ELL: variants seen among roughly 807,000 people sequenced by gnomAD.
ELL encodes elongation factor for RNA polymerase II.
In ELL, 18 loss-of-function variants were observed where a neutral mutation model predicts 64.0. The ratio of observed to expected loss-of-function variants is 0.28; its 90% CI spans 0.19 to 0.42. ELL has a LOEUF of 0.42. Ranked by LOEUF, ELL falls within the 10% of genes least tolerant of loss-of-function variation. The pLI, the probability that ELL is intolerant of heterozygous loss-of-function variation, is 1.00. For synonymous variants in ELL, 399 were observed against 376.2 expected (o/e 1.06, Z -0.70); for missense variants, 797 against 870.4 (o/e 0.92, Z 1.06).
chr19:18,463,819 A>T (rs1450321805), intron 4 of ELL, among the ~76,000 whole-genome samples: 3 of 152,150 alleles, frequency 2.0e-5, no homozygotes, highest in African/African-American at 7.2e-5. Context: ...TCTATTAAAA[A>T]TACAAAAAAA....
chr19:18,463,993 A>T (rs2144917870), intron 4 of ELL, among the ~76,000 whole-genome samples: 1 of 151,532 alleles, frequency 6.6e-6, no homozygotes, highest in Non-Finnish European at 1.5e-5. Flanking sequence ...CTCAAAAAAA[A>T]AAAACCCTCA....
chr19:18,443,851 G>A lies in ELL; in HGVS notation c.*901C>T, dbSNP rs1383686482. The A allele has an allele frequency of 8.6e-6, 2 of 232,966 alleles. No homozygotes were observed. Among genetic ancestry groups the A allele is most frequent in the African/African-American group, 2.2e-5 (1 of 45,324 alleles). 14.4% of individuals were successfully genotyped at this position (232,966 alleles called of 1,614,324 possible). ...ACCCCAGGACCCACAAGTGGACAGA[G>A]GGACGGAGGGAGGCCAGCAGCATCG... On this transcript the variant is annotated 3_prime_UTR_variant, in exon 12 of 12. Transcript: ENST00000262809.
chr19:18,490,895 C>G (rs1412078712), intron 1 of ELL, among the ~76,000 whole-genome samples: 1 of 152,188 alleles, frequency 6.6e-6, no homozygotes, highest in African/African-American at 2.4e-5. Context: ...CCCTCTCTCC[C>G]CGGTCTCACA....
At chr19:18,480,704 G>A (rs1368599406) in intron 1 of ELL, among the ~76,000 whole-genome samples, 1 of 152,102 alleles carries the variant, frequency 6.6e-6, no homozygotes, top group African/African-American at 2.4e-5. Context: ...GTGTGAACAC[G>A]GCTCACTGCA....
chr19:18,512,049 G>C (rs944599980), intron 1 of ELL, among the ~76,000 whole-genome samples: 1 of 152,044 alleles, frequency 6.6e-6, no homozygotes, highest in Non-Finnish European at 1.5e-5. Flanking sequence ...CAGCTACTGG[G>C]GAGGCTGAGG....
chr19:18,458,662 C>T lies in ELL; in HGVS notation c.745-333G>A, dbSNP rs571759859. 4.1e-4 allele frequency among the ~76,000 whole-genome samples: 63 copies of T among 152,266 alleles called. 1 individual carries two copies. Among genetic ancestry groups the T allele is most frequent in the African/African-American group, 1.4e-3 (59 of 41,546 alleles). ...AGACCCCATCACCTGCCCCCTGGCC[C>T]CTCTAGCCTGCTTTTTTTCCTTTTT... is the stretch of plus-strand genomic sequence containing the variant. On this transcript the variant is annotated intron_variant, in intron 5 of 11. Coordinates refer to ENST00000262809, the MANE Select transcript of ELL (RefSeq NM_006532.4).
At chr19:18,512,907 C>T (rs371549838) in intron 1 of ELL, among the ~76,000 whole-genome samples, 2 of 152,238 alleles carry the variant, frequency 1.3e-5, no homozygotes, top group East Asian at 1.9e-4. Flanking sequence ...TCAAGAGAGA[C>T]GCCTCTTTGT....
intron 4 of ELL, among the ~76,000 whole-genome samples, chr19:18,462,946 C>T (rs1374208675): frequency 6.6e-6 from 1 of 152,182 alleles, no homozygotes; most frequent in Non-Finnish European, 1.5e-5. Context: ...CTGGGGAGAG[C>T]AGGTTCCCCT....
chr19:18,502,493 C>T (rs951331380), intron 1 of ELL, among the ~76,000 whole-genome samples: 1 of 152,234 alleles, frequency 6.6e-6, no homozygotes, highest in African/African-American at 2.4e-5. Context: ...GCACCCCCAC[C>T]ACCAGGGAAA....
intron 1 of ELL, among the ~76,000 whole-genome samples, chr19:18,506,937 G>A (rs1258544344): frequency 6.6e-6 from 1 of 152,162 alleles, no homozygotes; most frequent in Non-Finnish European, 1.5e-5. Flanking sequence ...CTATCTACAA[G>A]GAGCTGGCCT....
chr19:18,449,421 C>T lies in ELL; in HGVS notation c.1465+1056G>A, dbSNP rs1053321215. On this transcript the variant is annotated intron_variant, in intron 8 of 11. Coordinates refer to ENST00000262809, the MANE Select transcript of ELL (RefSeq NM_006532.4). The surrounding 1 kb of genome is among the most constrained non-coding windows in gnomAD (Gnocchi z 4.4). ...CCGTCGGCCCCCACATGCAGTCCCACGGGAGGTGGGAAGCCCAGCACGAGG... is the reference window on the plus strand; with the variant it reads ...CCGTCGGCCCCCACATGCAGTCCCATGGGAGGTGGGAAGCCCAGCACGAGG... 6.6e-6 allele frequency among the ~76,000 whole-genome samples: 1 copy of T among 152,108 alleles called. No homozygotes were observed. Among genetic ancestry groups the T allele is most frequent in the African/African-American group, 2.4e-5 (1 of 41,406 alleles).
intron 1 of ELL, among the ~76,000 whole-genome samples, chr19:18,477,316 A>G (rs1310850736): frequency 6.6e-6 from 1 of 152,180 alleles, no homozygotes; most frequent in Non-Finnish European, 1.5e-5. Flanking sequence ...ATCCCACAGT[A>G]AGAAGCCTAC....
chr19:18,479,700 C>T (rs1159530290), intron 1 of ELL, among the ~76,000 whole-genome samples: 1 of 113,694 alleles, frequency 8.8e-6, no homozygotes, highest in Non-Finnish European at 1.7e-5. Flanking sequence ...CAGAGTGAGA[C>T]TCCATCTCAA....
chr19:18,496,812 T>C (rs909782805), intron 1 of ELL, among the ~76,000 whole-genome samples: 1 of 152,122 alleles, frequency 6.6e-6, no homozygotes, highest in African/African-American at 2.4e-5. Flanking sequence ...TTCAATAATA[T>C]AAAAAATCCA....
chr19:18,447,507 C>A (rs1427758450), intron 8 of ELL, among the ~76,000 whole-genome samples: 2 of 152,266 alleles, frequency 1.3e-5, no homozygotes, highest in Non-Finnish European at 1.5e-5. Flanking sequence ...GACGCTCAGC[C>A]CTTCGCCCCT....
chr19:18,450,413 G>A (rs1974497300), intron 8 of ELL, 64 bp downstream of exon 8: 2 of 1,568,874 alleles, frequency 1.3e-6, no homozygotes, highest in South Asian at 1.2e-5. Context: ...CACCCCATGA[G>A]GGTGAGGCGG....
intron 1 of ELL, among the ~76,000 whole-genome samples, chr19:18,498,426 G>A (rs1975707788): frequency 6.6e-6 from 1 of 152,192 alleles, no homozygotes; most frequent in Non-Finnish European, 1.5e-5. Context: ...CAGTTAGGAA[G>A]GGAAAACAAA....
chr19:18,471,433 T>G (rs1010545635), intron 2 of ELL: 1 of 390,664 alleles, frequency 2.6e-6, no homozygotes, highest in African/African-American at 2.1e-5. Context: ...TTTGGGAGGC[T>G]GCAGCAGGTG....
intron 1 of ELL, among the ~76,000 whole-genome samples, chr19:18,500,060 G>C (rs1158076240): frequency 6.6e-6 from 1 of 152,168 alleles, no homozygotes; most frequent in African/African-American, 2.4e-5. Context: ...CCAGGAGTTT[G>C]AGACCAGCCT....
Sources: gnomAD v4.1 joint callset for allele counts (sites outside exome capture counted in the v4.1 genomes callset) on GRCh38, gnomAD v4.1.1 for gene constraint, Gnocchi (gnomAD v3.1) non-coding constraint, MANE v1.5 for transcripts, NCBI Gene and HGNC (gene_info 2026-07-23, HGNC 2026-07-21) for gene names.